The following ZFHX3 variants were observed in gnomAD, a reference collection of about 807,000 sequenced individuals.
The protein encoded by ZFHX3 is zinc finger homeobox 3.
A neutral mutation model predicts 279.1 loss-of-function variants in ZFHX3; 42 were observed. That is an observed-to-expected ratio of 0.15 (90% CI 0.12 to 0.19). ZFHX3 has a LOEUF of 0.19. Among genes scored for constraint, ZFHX3 ranks in the 10% least tolerant of loss-of-function variants. The probability of loss-of-function intolerance (pLI) is 1.00; values close to 1 mark genes in which losing one functional copy is unlikely to be tolerated. For missense variants in ZFHX3, 4,981 were observed against 4,754.0 expected (o/e 1.05, Z -1.40); for synonymous variants, 2,293 against 1,957.8 (o/e 1.17, Z -4.52).
intron 2 of ZFHX3, among the ~76,000 whole-genome samples, chr16:73,629,814 A>T (rs2142145611): frequency 6.6e-6 from 1 of 152,260 alleles, no homozygotes; most frequent in South Asian, 2.1e-4. Flanking sequence ...TATGATTGGG[A>T]TAACTAAAAA....
At chr16:73,432,880 G>A (rs2017932990) in intron 3 of ZFHX3, among the ~76,000 whole-genome samples, 1 of 152,196 alleles carries the variant, frequency 6.6e-6, no homozygotes, top group Non-Finnish European at 1.5e-5. Context: ...CCTCCCCACA[G>A]CTGACCTGAC....
At chr16:73,560,623 G>A (rs1223924263) in intron 2 of ZFHX3, among the ~76,000 whole-genome samples, 1 of 152,218 alleles carries the variant, frequency 6.6e-6, no homozygotes, top group Non-Finnish European at 1.5e-5. Context: ...ATTCCCAGGT[G>A]CGAAGGGAGT....
intron 1 of ZFHX3, among the ~76,000 whole-genome samples, chr16:73,758,082 T>C (rs1229244901): frequency 6.6e-6 from 1 of 152,230 alleles, no homozygotes; most frequent in East Asian, 1.9e-4. Flanking sequence ...CATGATGTCC[T>C]GCCCAAAATC....
At chr16:73,288,760 A>G (rs1245092342) in intron 4 of ZFHX3, among the ~76,000 whole-genome samples, 2 of 152,072 alleles carry the variant, frequency 1.3e-5, no homozygotes, top group South Asian at 2.1e-4. Flanking sequence ...TCTTCAGTGC[A>G]TTACGGGCAC....
chr16:73,299,922 C>T (rs1178849771), intron 4 of ZFHX3, among the ~76,000 whole-genome samples: 1 of 152,148 alleles, frequency 6.6e-6, no homozygotes, highest in Non-Finnish European at 1.5e-5. Flanking sequence ...AGAAAGAAAG[C>T]ATTTTACAAA....
chr16:73,453,521 G>C (rs538292912), intron 3 of ZFHX3, among the ~76,000 whole-genome samples: 31 of 152,342 alleles, frequency 2.0e-4, no homozygotes, highest in African/African-American at 7.2e-4. Flanking sequence ...TCAGAAAACA[G>C]AGTGTAACAC....
At chr16:73,277,972 T>C (rs2014346630) in intron 4 of ZFHX3, among the ~76,000 whole-genome samples, 1 of 152,082 alleles carries the variant, frequency 6.6e-6, no homozygotes. Context: ...AATACCTCAA[T>C]GATATTAGCA....
chr16:73,284,780 A>G (rs1324717440), intron 4 of ZFHX3, among the ~76,000 whole-genome samples: 2 of 152,178 alleles, frequency 1.3e-5, no homozygotes, highest in Non-Finnish European at 2.9e-5. Flanking sequence ...TATTATGACC[A>G]ACACTGAAAT....
At position 72,793,104 on chromosome 16, in the gene ZFHX3, G is replaced by C. The variant is rs533416121; in HGVS notation, c.9427+151C>G. The C allele has an allele frequency of 8.5e-5, 120 of 1,405,554 alleles. No individual in the cohort carries two copies. In the South Asian group the frequency reaches 1.7e-3, roughly 20 times the overall value. The allele number at this position is 1,405,554 out of a possible 1,614,324, so 87.1% of individuals were successfully genotyped here. ...ACACCAGTACTTGGGAGACTCAACA[G>C]GAACGAACTGAAGTCTTGTTGCTTT... is the stretch of plus-strand genomic sequence containing the variant. On this transcript the variant is annotated intron_variant, in intron 9 of 9. Coordinates refer to ENST00000268489, the MANE Select transcript of ZFHX3 (RefSeq NM_006885.4). This position sits in a 1 kb window ranked among gnomAD's most constrained non-coding sequence, Gnocchi z 4.3.
chr16:73,736,292 T>C (rs1339168322), intron 1 of ZFHX3, among the ~76,000 whole-genome samples: 2 of 152,352 alleles, frequency 1.3e-5, no homozygotes, highest in African/African-American at 4.8e-5. Context: ...CAAAACTAGA[T>C]GCAGGGGCAG....
intron 3 of ZFHX3, chr16:73,420,973 T>G (rs1055164): frequency 0.72 from 108,782 of 152,108 alleles, 39,540 homozygotes; most frequent in African/African-American, 0.86. Flanking sequence ...ATTCTCCTTC[T>G]GCACTAAATT....
At chr16:73,816,996 G>C (rs1328134146) in intron 1 of ZFHX3, among the ~76,000 whole-genome samples, 1 of 152,188 alleles carries the variant, frequency 6.6e-6, no homozygotes, top group Admixed American at 6.5e-5. Context: ...CATCCCAGGA[G>C]CCATGGGACT....
At chr16:73,095,533 C>T (rs1428100893) in intron 7 of ZFHX3, among the ~76,000 whole-genome samples, 1 of 152,240 alleles carries the variant, frequency 6.6e-6, no homozygotes, top group Non-Finnish European at 1.5e-5. Flanking sequence ...GACCATCTTT[C>T]AGTAAAATGA....
At chr16:73,636,102 CATAT>C (rs1323626617) in intron 2 of ZFHX3, among the ~76,000 whole-genome samples, 1 of 152,136 alleles carries the variant, frequency 6.6e-6, no homozygotes, top group African/African-American at 2.4e-5. Flanking sequence ...TATCCATTCC[CATAT>C]TTTCAGATCT....
intron 7 of ZFHX3, chr16:73,094,558 T>C (rs1597154634): frequency 7.0e-6 from 1 of 143,664 alleles, no homozygotes; most frequent in Admixed American, 7.0e-5. Context: ...AAGTGGATGG[T>C]ACCTTATGCT....
At chr16:73,133,718 G>T (rs1231556446) in intron 6 of ZFHX3, among the ~76,000 whole-genome samples, 2 of 152,108 alleles carry the variant, frequency 1.3e-5, no homozygotes, top group African/African-American at 4.8e-5. Context: ...CCTAATTTGT[G>T]GTACTTTCTT....
intron 3 of ZFHX3, among the ~76,000 whole-genome samples, chr16:72,939,563 C>T (rs1960307356): frequency 6.6e-6 from 1 of 152,184 alleles, no homozygotes; most frequent in Admixed American, 6.5e-5. Context: ...AACACCAAAC[C>T]CCGACATTAT....
rs957196779 is a variant in ZFHX3, at chr16:73,873,341, C to CA, written c.-1608+18309dup. 1.3e-3 allele frequency among the ~76,000 whole-genome samples: 190 copies of CA among 151,348 alleles called. 2 individuals carry two copies. The highest frequency in any genetic ancestry group is 9.6e-4 in the Non-Finnish European group (65 of 67,868). The stretch of plus-strand genomic sequence containing the variant: ...AGTGGGTGGTGGTGACCAAATTAGC[C>CA]AAGTGTGCAGCAGCAAATCTCATTT... On this transcript the variant is annotated intron_variant, in intron 1 of 17. Transcript: ENST00000641206.
chr16:72,917,763 A>G (rs1363281295), intron 3 of ZFHX3, among the ~76,000 whole-genome samples: 2 of 152,294 alleles, frequency 1.3e-5, no homozygotes, highest in African/African-American at 4.8e-5. Flanking sequence ...ATTAGGGATG[A>G]TTTTTTGTGT....
Sources: gnomAD v4.1 joint callset for allele counts (sites outside exome capture counted in the v4.1 genomes callset) on GRCh38, gnomAD v4.1.1 for gene constraint, Gnocchi (gnomAD v3.1) non-coding constraint, MANE v1.5 for transcripts, NCBI Gene and HGNC (gene_info 2026-07-23, HGNC 2026-07-21) for gene names.